Variants in ROR1 observed in about 807,000 individuals in gnomAD.
The protein encoded by ROR1 is inactive tyrosine-protein kinase transmembrane receptor ROR1.
Under a neutral mutation model 78.8 loss-of-function variants are expected in ROR1, and 19 were observed. The observed-to-expected ratio is 0.24, with a 90% CI of 0.17 to 0.35. ROR1 has a LOEUF of 0.35. ROR1 is among the 10% of genes least tolerant of loss of function. The probability of loss-of-function intolerance (pLI) is 1.00; values close to 1 mark genes in which losing one functional copy is unlikely to be tolerated. For synonymous variants in ROR1, 386 were observed against 433.6 expected, an observed-to-expected ratio of 0.89 and a Z score of 1.36; for missense variants, 917 against 1,177.8, an observed-to-expected ratio of 0.78 and a Z score of 3.24.
intron 1 of ROR1, among the ~76,000 whole-genome samples, chr1:63,838,911 T>C (rs777318909): frequency 1.7e-4 from 26 of 152,210 alleles, no homozygotes; most frequent in Admixed American, 4.6e-4. Context: ...CAGATACCAT[T>C]GTGTGACAGT....
intron 7 of ROR1, among the ~76,000 whole-genome samples, chr1:64,156,223 T>G (rs1415550862): frequency 6.6e-6 from 1 of 152,134 alleles, no homozygotes; most frequent in Non-Finnish European, 1.5e-5. Flanking sequence ...TTGCTTGGAG[T>G]GGCAAAGGGC....
intron 4 of ROR1, among the ~76,000 whole-genome samples, chr1:64,104,875 GGTTA>G (rs1354508141): frequency 1.3e-5 from 2 of 152,088 alleles, no homozygotes; most frequent in African/African-American, 4.8e-5. Context: ...TGGGCATTTG[GGTTA>G]GTTCCATGTC....
rs186945696 is a variant in ROR1 at position 63,837,883 on chromosome 1, A to G, written c.91+63375A>G. Among the ~76,000 whole-genome samples, 232 of 152,310 alleles carry G rather than the reference A, an allele frequency of 1.5e-3. 1 individual carries two copies. Among genetic ancestry groups the G allele is most frequent in the African/African-American group, 5.3e-3 (221 of 41,568 alleles). ...AAGTTACTCTTCCTGTCACATTTGT[A>G]TGGTAGCTACAGTCAGGCACTGCAT... On this transcript the variant is annotated intron_variant, in intron 1 of 8. Coordinates refer to ENST00000371079, the MANE Select transcript of ROR1 (RefSeq NM_005012.4).
chr1:63,990,142 G>T (rs1261050577), intron 1 of ROR1, among the ~76,000 whole-genome samples: 1 of 152,174 alleles, frequency 6.6e-6, no homozygotes, highest in East Asian at 1.9e-4. Flanking sequence ...ATTCAGTTTC[G>T]CTCTGAGACA....
At chr1:64,134,012 A>G (rs1454118699) in intron 4 of ROR1, among the ~76,000 whole-genome samples, 2 of 152,218 alleles carry the variant, frequency 1.3e-5, no homozygotes, top group East Asian at 1.9e-4. Flanking sequence ...AAGCTTCTCC[A>G]CAGCAGAAAG....
chr1:64,098,568 G>T (rs1647393220), intron 4 of ROR1, among the ~76,000 whole-genome samples: 1 of 152,160 alleles, frequency 6.6e-6, no homozygotes, highest in African/African-American at 2.4e-5. Context: ...GCTAGGTGCA[G>T]ACCTGGCTTT....
At chr1:63,941,505 C>T (rs1490893980) in intron 1 of ROR1, among the ~76,000 whole-genome samples, 1 of 152,136 alleles carries the variant, frequency 6.6e-6, no homozygotes, top group African/African-American at 2.4e-5. Context: ...ATAAATGGAG[C>T]CCGGCTGTCT....
At chr1:63,963,330 G>A (rs1646047147) in intron 1 of ROR1, among the ~76,000 whole-genome samples, 1 of 146,694 alleles carries the variant, frequency 6.8e-6, no homozygotes, top group Non-Finnish European at 1.5e-5. Flanking sequence ...CACTTTAGGA[G>A]GCCGAGGTGG....
chr1:64,079,067 T>C (rs1163406809), intron 4 of ROR1, among the ~76,000 whole-genome samples: 4 of 152,144 alleles, frequency 2.6e-5, no homozygotes, highest in African/African-American at 9.7e-5. Context: ...GAAGACTTAA[T>C]AGGTGATTTC....
At chr1:64,025,792 C>T (rs149365105) in intron 2 of ROR1, among the ~76,000 whole-genome samples, 2 of 152,096 alleles carry the variant, frequency 1.3e-5, no homozygotes. Context: ...TATGTTCTCA[C>T]TCATAAGTGG....
intron 1 of ROR1, among the ~76,000 whole-genome samples, chr1:63,930,960 A>G (rs746978139): frequency 2.6e-5 from 4 of 152,202 alleles, no homozygotes; most frequent in African/African-American, 4.8e-5. Flanking sequence ...TCATCTCAAT[A>G]TCAGTACTCA....
At chr1:63,991,212 A>C (rs1646293615) in intron 1 of ROR1, among the ~76,000 whole-genome samples, 1 of 152,054 alleles carries the variant, frequency 6.6e-6, no homozygotes, top group African/African-American at 2.4e-5. Context: ...TGGCCTCCCA[A>C]AGTGCTAGAA....
intron 4 of ROR1, among the ~76,000 whole-genome samples, chr1:64,096,078 T>C (rs1385156050): frequency 1.3e-5 from 2 of 152,302 alleles, no homozygotes; most frequent in Admixed American, 1.3e-4. Flanking sequence ...AGTGTTTGCA[T>C]AGAAACAATA....
chr1:64,125,016 T>G (rs1648663428), intron 4 of ROR1, among the ~76,000 whole-genome samples: 1 of 152,190 alleles, frequency 6.6e-6, no homozygotes, highest in Non-Finnish European at 1.5e-5. Flanking sequence ...CTTGCAAAGT[T>G]TGTATTGAGT....
intron 1 of ROR1, among the ~76,000 whole-genome samples, chr1:64,002,582 T>G (rs1422664865): frequency 1.3e-5 from 2 of 152,258 alleles, no homozygotes; most frequent in East Asian, 3.8e-4. Flanking sequence ...TCTATTTTTA[T>G]TCACTTTAAA....
chr1:64,172,015 T>C (rs920360610), intron 8 of ROR1, among the ~76,000 whole-genome samples: 1 of 152,190 alleles, frequency 6.6e-6, no homozygotes, highest in African/African-American at 2.4e-5. Context: ...TTCCCAAAGA[T>C]GGAAAGAGAT....
intron 7 of ROR1, chr1:64,142,872 T>C (rs866624808): frequency 2.2e-6 from 3 of 1,381,878 alleles, no homozygotes; most frequent in Non-Finnish European, 9.4e-7. Context: ...CCTGCAGCCA[T>C]TGCACTCATG....
intron 8 of ROR1, among the ~76,000 whole-genome samples, chr1:64,171,804 A>G (rs1259912105): frequency 6.6e-6 from 1 of 152,206 alleles, no homozygotes; most frequent in Non-Finnish European, 1.5e-5. Flanking sequence ...TAGACTCAAA[A>G]GTAGAGCAAT....
chr1:63,957,532 G>T (rs962810817), intron 1 of ROR1, among the ~76,000 whole-genome samples: 38 of 152,212 alleles, frequency 2.5e-4, no homozygotes, highest in African/African-American at 8.7e-4. Flanking sequence ...TGCCCTCATT[G>T]TCCCACCTTC....
Sources: allele counts gnomAD v4.1 joint callset (sites outside exome capture counted in the v4.1 genomes callset), GRCh38; gene constraint gnomAD v4.1.1; transcripts MANE v1.5; gene names NCBI Gene and HGNC (gene_info 2026-07-23, HGNC 2026-07-21).